TBC1D12: variants seen among roughly 807,000 people sequenced by gnomAD.
TBC1D12 encodes TBC1 domain family member 12.
TBC1D12 carries 56 observed loss-of-function variants against 86.7 expected under a neutral mutation model. The ratio of observed to expected loss-of-function variants is 0.65; its 90% CI spans 0.52 to 0.81. TBC1D12 has a LOEUF of 0.81. Among genes scored for constraint, TBC1D12 ranks in the 30% least tolerant of loss-of-function variants. The probability of loss-of-function intolerance (pLI) is 0.00; values close to 1 mark genes in which losing one functional copy is unlikely to be tolerated. For synonymous variants in TBC1D12, 421 were observed against 411.7 expected, an observed-to-expected ratio of 1.02 and a Z score of -0.27; for missense variants, 1,023 against 1,038.8, an observed-to-expected ratio of 0.98 and a Z score of 0.21.
In TBC1D12 at chr10:94,403,474, T is replaced by C. The variant is rs1396886253; in HGVS notation, c.861T>C (p.Asp287=). ...FQVSRGQSAR[D]HLPPAGPPVP... ...TGAGCCGCGGTCAGAGCGCCCGCGA[T>C]CACCTGCCCCCGGCGGGGCCGCCGG... The change falls in exon 1 of 13, where the codon GAT becomes GAC. Residue 287 remains aspartate, a synonymous_variant. Coordinates refer to ENST00000225235, the MANE Select transcript of TBC1D12 (RefSeq NM_015188.2). 9.7e-6 allele frequency: 15 copies of C among 1,542,326 alleles called. No homozygotes were observed. Among genetic ancestry groups the C allele is most frequent in the Middle Eastern group, 1.7e-4 (1 of 5,770 alleles).
chr10:94,453,710 T>A (rs2055586137), intron 2 of TBC1D12, among the ~76,000 whole-genome samples: 1 of 152,184 alleles, frequency 6.6e-6, no homozygotes, highest in East Asian at 1.9e-4. Context: ...GCCATCTAAA[T>A]TTTCTGTGTT....
At chr10:94,487,002 A>G (rs1253471265) in intron 3 of TBC1D12, among the ~76,000 whole-genome samples, 1 of 152,148 alleles carries the variant, frequency 6.6e-6, no homozygotes, top group Non-Finnish European at 1.5e-5. Context: ...TTGGGTGCAT[A>G]TAGATTTACA....
chr10:94,442,892 A>G (rs1334739089), intron 2 of TBC1D12, among the ~76,000 whole-genome samples: 1 of 152,262 alleles, frequency 6.6e-6, no homozygotes, highest in Non-Finnish European at 1.5e-5. Context: ...CTGGTTTTCC[A>G]AGTAATATGA....
At chr10:94,449,720 G>A (rs558564453) in intron 2 of TBC1D12, among the ~76,000 whole-genome samples, 20 of 152,232 alleles carry the variant, frequency 1.3e-4, no homozygotes, top group Non-Finnish European at 2.6e-4. Context: ...GAAACTCAAA[G>A]TCAAGTCAGT....
At chr10:94,523,832 A>T (rs1164815364) in intron 11 of TBC1D12, among the ~76,000 whole-genome samples, 1 of 152,272 alleles carries the variant, frequency 6.6e-6, no homozygotes, top group East Asian at 1.9e-4. Flanking sequence ...GGCCAGACAT[A>T]GTCGTGCATT....
At chr10:94,403,986 T>TGG (rs544468256) in intron 1 of TBC1D12, among the ~76,000 whole-genome samples, 1 of 151,660 alleles carries the variant, frequency 6.6e-6, no homozygotes, top group African/African-American at 2.4e-5. Flanking sequence ...TTTAGGTTGT[T>TGG]GGGGGGGTGG....
At chr10:94,430,803 G>C (rs2055205780) in intron 1 of TBC1D12, among the ~76,000 whole-genome samples, 1 of 152,126 alleles carries the variant, frequency 6.6e-6, no homozygotes, top group Non-Finnish European at 1.5e-5. Flanking sequence ...CCTTTTCTTA[G>C]TGTGCCTCTT....
intron 2 of TBC1D12, among the ~76,000 whole-genome samples, chr10:94,462,086 G>A (rs150919155): frequency 6.6e-6 from 1 of 152,300 alleles, no homozygotes; most frequent in African/African-American, 2.4e-5. Flanking sequence ...CTATATTCAT[G>A]AGGGATGTCA....
chr10:94,448,920 A>G (rs1405719811), intron 2 of TBC1D12, among the ~76,000 whole-genome samples: 1 of 152,220 alleles, frequency 6.6e-6, no homozygotes, highest in Admixed American at 6.5e-5. Flanking sequence ...ATAAATTATT[A>G]TGCATTTCTG....
At chr10:94,453,850 A>C (rs1272371347) in intron 2 of TBC1D12, among the ~76,000 whole-genome samples, 2 of 152,150 alleles carry the variant, frequency 1.3e-5, no homozygotes, top group Admixed American at 1.3e-4. Flanking sequence ...CAGTTGTTCC[A>C]GTACCATTTG....
At chr10:94,431,400 G>A (rs537526163) in intron 1 of TBC1D12, among the ~76,000 whole-genome samples, 135 of 144,502 alleles carry the variant, frequency 9.3e-4, no homozygotes, top group African/African-American at 2.8e-3. Context: ...GGGTGATAGA[G>A]CAAGACTCTT....
intron 11 of TBC1D12, among the ~76,000 whole-genome samples, chr10:94,523,754 G>C (rs527416564): frequency 3.1e-4 from 47 of 152,220 alleles, no homozygotes; most frequent in South Asian, 2.3e-3. Flanking sequence ...CTGGAGGCCA[G>C]GAGTTTGAGA....
intron 11 of TBC1D12, among the ~76,000 whole-genome samples, chr10:94,529,289 G>A (rs572892788): frequency 1.3e-4 from 20 of 152,162 alleles, no homozygotes; most frequent in Non-Finnish European, 2.1e-4. Flanking sequence ...TTACAGGCAT[G>A]AGCCACCAGA....
intron 2 of TBC1D12, among the ~76,000 whole-genome samples, chr10:94,459,407 C>T (rs952975668): frequency 1.1e-4 from 16 of 152,248 alleles, no homozygotes; most frequent in Admixed American, 2.0e-4. Flanking sequence ...AGTCCCCACC[C>T]GACTCAAGAG....
intron 7 of TBC1D12, chr10:94,508,579 A>G (rs968957005): frequency 2.6e-5 from 4 of 151,914 alleles, no homozygotes; most frequent in Non-Finnish European, 4.4e-5. Context: ...TTAATTTCAG[A>G]TGTGCTTTGT....
chr10:94,411,890 C>T (rs551504184), intron 1 of TBC1D12, among the ~76,000 whole-genome samples: 28 of 152,254 alleles, frequency 1.8e-4, no homozygotes, highest in African/African-American at 5.3e-4. Flanking sequence ...CCAGCGAGGT[C>T]GGGGCTGCAG....
chr10:94,461,128 T>C (rs983467866), intron 2 of TBC1D12, among the ~76,000 whole-genome samples: 1 of 152,190 alleles, frequency 6.6e-6, no homozygotes, highest in Admixed American at 6.5e-5. Flanking sequence ...GTATGCCATA[T>C]AAGTTTTGCT....
rs148611603 is a variant in TBC1D12, at chr10:94,465,943, C to T, written c.1096-8725C>T. 3.4e-3 allele frequency among the ~76,000 whole-genome samples: 513 copies of T among 150,000 alleles called. 2 individuals carry two copies. The highest frequency in any genetic ancestry group is 0.012 in the African/African-American group (480 of 40,868). On this transcript the variant is annotated intron_variant, in intron 2 of 12. Coordinates refer to ENST00000225235, the MANE Select transcript of TBC1D12 (RefSeq NM_015188.2). ...GTATATATGCGTATATATGTATATA[C>T]GCGTATGTATGTATATACATGTATG...
chr10:94,417,836 C>A (rs1200821574), intron 1 of TBC1D12, among the ~76,000 whole-genome samples: 3 of 151,638 alleles, frequency 2.0e-5, no homozygotes, highest in African/African-American at 4.9e-5. Flanking sequence ...GCAAGCTCCA[C>A]CTCCCGGGTT....
Sources: gnomAD v4.1 joint callset for allele counts (sites outside exome capture counted in the v4.1 genomes callset) on GRCh38, gnomAD v4.1.1 for gene constraint, MANE v1.5 for transcripts, NCBI Gene and HGNC (gene_info 2026-07-23, HGNC 2026-07-21) for gene names.